The following EFCAB13 variants were observed in gnomAD, a reference collection of about 807,000 sequenced individuals.
EFCAB13 encodes EF-hand calcium binding domain 13.
Under a neutral mutation model 110.2 loss-of-function variants are expected in EFCAB13, and 91 were observed. That is an observed-to-expected ratio of 0.83 (90% CI 0.70 to 0.98). The LOEUF (loss-of-function observed/expected upper bound fraction) is 0.98, where lower values mean the gene tolerates loss of function less well. Ranked by LOEUF, EFCAB13 falls within the 50% of genes least tolerant of loss-of-function variation. EFCAB13 has a pLI of 0.00. For synonymous variants in EFCAB13, 323 were observed against 369.9 expected (o/e 0.87, Z 1.45); for missense variants, 968 against 1,119.4 (o/e 0.86, Z 1.93).
chr17:47,426,410 A>C (rs1390198826), intron 23 of EFCAB13, among the ~76,000 whole-genome samples: 1 of 152,220 alleles, frequency 6.6e-6, no homozygotes, highest in African/African-American at 2.4e-5. Context: ...GTTATGTCCA[A>C]AGAATAGGTT....
At chr17:47,350,299 A>G (rs972418560) in intron 9 of EFCAB13, among the ~76,000 whole-genome samples, 1 of 152,206 alleles carries the variant, frequency 6.6e-6, no homozygotes, top group Non-Finnish European at 1.5e-5. Context: ...CCAATATTCA[A>G]ACATTCTATC....
intron 9 of EFCAB13, among the ~76,000 whole-genome samples, chr17:47,350,352 C>T (rs1160139421): frequency 6.6e-6 from 1 of 152,120 alleles, no homozygotes; most frequent in East Asian, 1.9e-4. Flanking sequence ...TAGACTAATT[C>T]TCTTAAAATA....
At chr17:47,363,411 T>A (rs2065527429) in intron 10 of EFCAB13, among the ~76,000 whole-genome samples, 1 of 151,950 alleles carries the variant, frequency 6.6e-6, no homozygotes. Context: ...ATTTAATATC[T>A]ACTATGCCTG....
chr17:47,431,744 T>A lies in EFCAB13; in HGVS notation c.2638+1783T>A, dbSNP rs77786002. ...GAAGAATATATAGTCTGCAGTTGGG[T>A]TGGGTGAGAGTGTTCTATATATTAG... On this transcript the variant is annotated intron_variant, in intron 24 of 24. Coordinates refer to ENST00000331493, the MANE Select transcript of EFCAB13 (RefSeq NM_152347.5). The surrounding 1 kb of genome is among the most constrained non-coding windows in gnomAD (Gnocchi z 4.1). Among the ~76,000 whole-genome samples the A allele has an allele frequency of 6.6e-6, 1 of 152,242 alleles. No homozygotes were observed. Among genetic ancestry groups the A allele is most frequent in the Non-Finnish European group, 1.5e-5 (1 of 68,014 alleles).
chr17:47,436,487 A>C (rs1300930288), intron 24 of EFCAB13, among the ~76,000 whole-genome samples: 1 of 151,986 alleles, frequency 6.6e-6, no homozygotes, highest in African/African-American at 2.4e-5. Flanking sequence ...ATTCCTCCTG[A>C]TTTAAGCTAG....
At chr17:47,326,148 A>T (rs2065285140) in intron 2 of EFCAB13, 78 bp from the exon 3 acceptor site, 1 of 151,846 alleles carries the variant, frequency 6.6e-6, no homozygotes, top group African/African-American at 2.4e-5. Flanking sequence ...GATAGAAGAC[A>T]GGATTGAAAT....
intron 18 of EFCAB13, 116 bp from the exon 19 acceptor site, chr17:47,403,762 T>A (rs117802227): frequency 3.6e-5 from 31 of 868,002 alleles, no homozygotes; most frequent in Non-Finnish European, 4.8e-5. Flanking sequence ...AGAATTTCTC[T>A]CTGAGATTTC....
chr17:47,427,113 C>T (rs1397730544), intron 23 of EFCAB13, among the ~76,000 whole-genome samples: 5 of 152,100 alleles, frequency 3.3e-5, no homozygotes, highest in African/African-American at 1.2e-4. Context: ...CCTGTAGTAG[C>T]TACTGATTAA....
At chr17:47,386,772 G>A (rs1042583914) in intron 14 of EFCAB13, among the ~76,000 whole-genome samples, 1 of 152,166 alleles carries the variant, frequency 6.6e-6, no homozygotes, top group South Asian at 2.1e-4. Flanking sequence ...GTAGGCACGC[G>A]AAGGAATCTC....
At chr17:47,435,447 G>A (rs962228583) in intron 24 of EFCAB13, among the ~76,000 whole-genome samples, 1 of 152,076 alleles carries the variant, frequency 6.6e-6, no homozygotes, top group Non-Finnish European at 1.5e-5. Context: ...AACCACTATG[G>A]AAAACAACAT....
chr17:47,376,501 T>TC (rs1453857848), intron 12 of EFCAB13, among the ~76,000 whole-genome samples: 3 of 152,218 alleles, frequency 2.0e-5, no homozygotes, highest in African/African-American at 7.2e-5. Context: ...TTATCTGGCA[T>TC]AACTTCCCAA....
At chr17:47,390,906 G>GTCTGTCTGTCTTATCTA (rs1465237154) in intron 14 of EFCAB13, among the ~76,000 whole-genome samples, 40 of 123,278 alleles carry the variant, frequency 3.2e-4, no homozygotes, top group Middle Eastern at 4.5e-3. Flanking sequence ...GTGTATGTGT[G>GTCTGTCTGTCTTATCTA]TCTGTCTGTC....
At chr17:47,352,372 T>C (rs2048084178) in intron 9 of EFCAB13, among the ~76,000 whole-genome samples, 1 of 152,160 alleles carries the variant, frequency 6.6e-6, no homozygotes, top group South Asian at 2.1e-4. Context: ...TGTATGTTTT[T>C]GTCAACTTTG....
At chr17:47,408,845 GC>G (rs550559429) in intron 20 of EFCAB13, among the ~76,000 whole-genome samples, 4 of 151,260 alleles carry the variant, frequency 2.6e-5, no homozygotes, top group South Asian at 2.1e-4. Flanking sequence ...TAATACCCTT[GC>G]CCCCCCCAAT....
chr17:47,421,041 C>T (rs1490853372), intron 23 of EFCAB13, among the ~76,000 whole-genome samples: 4 of 151,022 alleles, frequency 2.6e-5, no homozygotes, highest in Non-Finnish European at 4.4e-5. Flanking sequence ...GCCCCCCGCC[C>T]GGCCAGCCAC....
chr17:47,408,520 G>A (rs2065817052), intron 20 of EFCAB13, among the ~76,000 whole-genome samples: 1 of 152,116 alleles, frequency 6.6e-6, no homozygotes, highest in Admixed American at 6.5e-5. Flanking sequence ...TGGCATGGTG[G>A]CCCATGCCTG....
intron 24 of EFCAB13, among the ~76,000 whole-genome samples, chr17:47,439,914 A>G (rs1213298616): frequency 6.6e-6 from 1 of 151,942 alleles, no homozygotes; most frequent in Non-Finnish European, 1.5e-5. Flanking sequence ...ATGAGAATGT[A>G]TGTTCTGAAA....
At chr17:47,414,726 A>G in intron 22 of EFCAB13, 122 bp from the exon 23 acceptor site, 1 of 684,732 alleles carries the variant, frequency 1.5e-6, no homozygotes, top group East Asian at 2.8e-5. Context: ...AGTTTCAATC[A>G]TTTGAGACAG....
At chr17:47,344,495 T>C (rs1472125606) in intron 7 of EFCAB13, among the ~76,000 whole-genome samples, 2 of 152,164 alleles carry the variant, frequency 1.3e-5, no homozygotes, top group African/African-American at 4.8e-5. Context: ...GCTTAGACTT[T>C]TGTAAAATTT....
Sources: gnomAD v4.1 joint callset for allele counts (sites outside exome capture counted in the v4.1 genomes callset) on GRCh38, gnomAD v4.1.1 for gene constraint, Gnocchi (gnomAD v3.1) non-coding constraint, MANE v1.5 for transcripts, NCBI Gene and HGNC (gene_info 2026-07-23, HGNC 2026-07-21) for gene names.